Variants in RGS3 observed in about 807,000 individuals in gnomAD.
RGS3 encodes regulator of G protein signaling 3.
RGS3 carries 80 observed loss-of-function variants against 132.6 expected under a neutral mutation model. The ratio of observed to expected loss-of-function variants is 0.60; its 90% CI spans 0.50 to 0.73. The LOEUF (loss-of-function observed/expected upper bound fraction) is 0.73, where lower values mean the gene tolerates loss of function less well. Ranked by LOEUF, RGS3 falls within the 30% of genes least tolerant of loss-of-function variation. The pLI is 0.00. For synonymous variants in RGS3, 598 were observed against 620.6 expected (o/e 0.96, Z 0.54); for missense variants, 1,382 against 1,530.8 (o/e 0.90, Z 1.62).
At chr9:113,583,730 C>T (rs1200862150) in exon 20 of RGS3, 1 of 1,614,038 alleles carries the variant, frequency 6.2e-7, no homozygotes, top group Admixed American at 1.7e-5. Context: ...CCCCCTCCAG[C>T]CCAAGACCTC....
Position 113,583,970 on chromosome 9 carries a change from C to G in RGS3, c.2558C>G (p.Ala853Gly), listed in dbSNP as rs544498367. The change falls in exon 20 of 25, where the codon GCC becomes GGC. Residue 853 changes from alanine (A) to glycine (G), a missense_variant. Coordinates refer to ENST00000350696, the Ensembl canonical transcript of RGS3. ...GACCCACCTGCGGCCCCCAGGCCAGCCTTCGTGATCCCTGAGGTCCGGCTG... is the reference window on the plus strand; with the variant it reads ...GACCCACCTGCGGCCCCCAGGCCAGGCTTCGTGATCCCTGAGGTCCGGCTG... 5 of 1,614,102 alleles carry G rather than the reference C, an allele frequency of 3.1e-6. No individual in the cohort carries two copies. In the African/African-American group the frequency reaches 5.3e-5, roughly 17 times the overall value.
At chr9:113,546,762 A>G (rs971941779) in intron 19 of RGS3, among the ~76,000 whole-genome samples, 1 of 152,220 alleles carries the variant, frequency 6.6e-6, no homozygotes, top group African/African-American at 2.4e-5. Context: ...ACACTGGGGA[A>G]TTCCCAGAGG....
At chr9:113,453,026 A>AATATATAAT (rs914120044) in intron 1 of RGS3, among the ~76,000 whole-genome samples, 1 of 131,366 alleles carries the variant, frequency 7.6e-6, no homozygotes, top group Non-Finnish European at 1.6e-5. Context: ...TTTTATATAT[A>AATATATAAT]ATATATAATA....
At chr9:113,532,778 A>G (rs1329234508) in intron 18 of RGS3, among the ~76,000 whole-genome samples, 9 of 152,088 alleles carry the variant, frequency 5.9e-5, no homozygotes, top group Non-Finnish European at 1.2e-4. Flanking sequence ...TCACTGTGAG[A>G]GGCCCTCCCA....
At chr9:113,566,633 C>T (rs1303738497) in intron 19 of RGS3, among the ~76,000 whole-genome samples, 1 of 152,208 alleles carries the variant, frequency 6.6e-6, no homozygotes, top group Non-Finnish European at 1.5e-5. Context: ...TTTCCCTGAC[C>T]TGAACTAAGT....
chr9:113,575,288 G>A (rs1445942589), intron 19 of RGS3, among the ~76,000 whole-genome samples: 1 of 152,148 alleles, frequency 6.6e-6, no homozygotes, highest in African/African-American at 2.4e-5. Flanking sequence ...GTGAGTGTTG[G>A]CTTTGTCCTG....
chr9:113,467,730 G>C (rs1240386729), intron 3 of RGS3, among the ~76,000 whole-genome samples: 1 of 151,904 alleles, frequency 6.6e-6, no homozygotes, highest in African/African-American at 2.4e-5. Context: ...TTTGGGGATG[G>C]GGTCTTGTTT....
intron 1 of RGS3, among the ~76,000 whole-genome samples, chr9:113,451,000 A>G (rs1241084139): frequency 1.3e-5 from 2 of 152,054 alleles, no homozygotes; most frequent in African/African-American, 4.8e-5. Flanking sequence ...CAATATGGTG[A>G]AACCCCATCT....
chr9:113,445,188 C>CTTTTT (rs763073048), intron 1 of RGS3, among the ~76,000 whole-genome samples: 1 of 142,982 alleles, frequency 7.0e-6, no homozygotes, highest in Non-Finnish European at 1.5e-5. Context: ...TTTTCTTTTT[C>CTTTTT]TTTTTTTTTT....
At chr9:113,590,812 A>T (rs1435241812) in intron 20 of RGS3, among the ~76,000 whole-genome samples, 1 of 152,178 alleles carries the variant, frequency 6.6e-6, no homozygotes, top group East Asian at 1.9e-4. Flanking sequence ...TGTTATCCCG[A>T]GGGCACTAGG....
In RGS3 at chr9:113,537,125, G is replaced by T. The variant is rs943524776; in HGVS notation, c.2037+207G>T. 1.3e-5 allele frequency among the ~76,000 whole-genome samples: 2 copies of T among 152,222 alleles called. No individual in the cohort carries two copies. Among genetic ancestry groups the T allele is most frequent in the Non-Finnish European group, 2.9e-5 (2 of 68,034 alleles). ...CTGCTGAGTGGGTCTGACAGTGCTCGTGTAGAGCGACAGAGCCAAATTAAG... is the reference window on the plus strand; with the variant it reads ...CTGCTGAGTGGGTCTGACAGTGCTCTTGTAGAGCGACAGAGCCAAATTAAG... On this transcript the variant is annotated intron_variant, in intron 19 of 24. Coordinates refer to ENST00000350696, the Ensembl canonical transcript of RGS3. This position sits in a 1 kb window ranked among gnomAD's most constrained non-coding sequence, Gnocchi z 4.3.
At chr9:113,480,949 C>T (rs1414487355) in intron 4 of RGS3, among the ~76,000 whole-genome samples, 1 of 152,250 alleles carries the variant, frequency 6.6e-6, no homozygotes, top group Non-Finnish European at 1.5e-5. Flanking sequence ...TGACGGTACC[C>T]TCCACCTCCA....
chr9:113,556,672 C>A (rs1407573275), intron 19 of RGS3, among the ~76,000 whole-genome samples: 1 of 152,190 alleles, frequency 6.6e-6, no homozygotes, highest in Non-Finnish European at 1.5e-5. Flanking sequence ...TGCCCTTCCC[C>A]CCAGCACTCT....
At chr9:113,447,301 A>G (rs1368026939) in intron 1 of RGS3, among the ~76,000 whole-genome samples, 1 of 119,932 alleles carries the variant, frequency 8.3e-6, no homozygotes, top group African/African-American at 2.9e-5. Context: ...GGGAGGGTGT[A>G]AACCAATAAA....
rs562342734 is a variant in RGS3, at chr9:113,585,123, C to T, written c.3015+696C>T. 2.6e-5 allele frequency among the ~76,000 whole-genome samples: 4 copies of T among 152,298 alleles called. No individual in the cohort carries two copies. The East Asian group carries it at 5.8e-4, about 22-fold the overall frequency. Reference sequence around the variant, plus strand: ...CTGCGCTCTGCAACATGGCAGGAGCCACAGAAGTGTGTGAGGCTGGTCTCA... The same window carrying T: ...CTGCGCTCTGCAACATGGCAGGAGCTACAGAAGTGTGTGAGGCTGGTCTCA... On this transcript the variant is annotated intron_variant, in intron 20 of 24. Coordinates refer to ENST00000350696, the Ensembl canonical transcript of RGS3.
chr9:113,549,720 C>T (rs1014311672), intron 19 of RGS3, among the ~76,000 whole-genome samples: 7 of 152,196 alleles, frequency 4.6e-5, no homozygotes, highest in African/African-American at 1.4e-4. Context: ...CATTTAACAG[C>T]GTAGTGTATC....
intron 21 of RGS3, chr9:113,593,997 A>G (rs149573530): frequency 1.9e-6 from 3 of 1,612,840 alleles, no homozygotes; most frequent in Middle Eastern, 1.6e-4. Context: ...TCCCTTGCAG[A>G]CACATGCCCC....
chr9:113,462,224 T>G (rs1370781863), intron 3 of RGS3: 2 of 1,529,432 alleles, frequency 1.3e-6, no homozygotes, highest in African/African-American at 3.0e-5. Context: ...GTCACTGGCT[T>G]GAGGCTAGGA....
rs546173810 is a variant in RGS3, at chr9:113,487,889, G to A, written c.689+2196G>A. 2.0e-5 allele frequency among the ~76,000 whole-genome samples: 3 copies of A among 152,244 alleles called. No homozygotes were observed. The East Asian group carries it at 5.8e-4, about 29-fold the overall frequency. ...TCAGGAACCTAGATTCTTAGGTGCCGCGTCAGATTAATTACATCCAACTCT... is the reference window on the plus strand; with the variant it reads ...TCAGGAACCTAGATTCTTAGGTGCCACGTCAGATTAATTACATCCAACTCT... On this transcript the variant is annotated intron_variant, in intron 7 of 24. Coordinates refer to ENST00000350696, the Ensembl canonical transcript of RGS3.
Sources: gnomAD v4.1 joint callset for allele counts (sites outside exome capture counted in the v4.1 genomes callset) on GRCh38, gnomAD v4.1.1 for gene constraint, Gnocchi (gnomAD v3.1) non-coding constraint, MANE v1.5 for transcripts, NCBI Gene and HGNC (gene_info 2026-07-23, HGNC 2026-07-21) for gene names.